TNPO1: variants seen among roughly 807,000 people sequenced by gnomAD.
TNPO1 encodes transportin-1.
Under a neutral mutation model 119.5 loss-of-function variants are expected in TNPO1, and 8 were observed. The observed-to-expected ratio is 0.07, with a 90% CI of 0.04 to 0.12. The LOEUF (loss-of-function observed/expected upper bound fraction) is 0.12. Among genes scored for constraint, TNPO1 ranks in the 10% least tolerant of loss-of-function variants. TNPO1 has a pLI of 1.00. For synonymous variants in TNPO1, 362 were observed against 363.0 expected (o/e 1.00, Z 0.03); for missense variants, 576 against 1,089.8 (o/e 0.53, Z 6.64).
At position 72,901,108 on chromosome 5, in the gene TNPO1, A is replaced by C. The variant is rs1484558748; in HGVS notation, c.2514+35A>C. 5 of 1,372,908 alleles carry C rather than the reference A, an allele frequency of 3.6e-6. No individual in the cohort carries two copies. The African/African-American group carries it at 5.9e-5, about 16-fold the overall frequency. 85.0% of individuals were successfully genotyped at this position (1,372,908 alleles called of 1,614,324 possible). A position where few individuals can be genotyped will look rare whatever the true frequency, so the allele number is the denominator to read the frequency against. ...TCACAAAGATTTGTTTTTAATGTCT[A>C]ATTAATAAAATTTTAAAGGAAGAAA... On this transcript the variant is annotated intron_variant, in intron 22 of 24. Transcript: ENST00000337273.
At chr5:72,891,598 C>T (rs1749062788) in intron 14 of TNPO1, among the ~76,000 whole-genome samples, 2 of 151,956 alleles carry the variant, frequency 1.3e-5, no homozygotes, top group African/African-American at 2.4e-5. Flanking sequence ...AGTTCTAGAT[C>T]TAAAACTAGA....
chr5:72,816,712 A>G lies in TNPO1; in HGVS notation c.-26A>G, dbSNP rs1158113071. Reference sequence around the variant, plus strand: ...CAGGAGGCAGTGCCGCTTCGGCCGAAGGCCCGAGCGCCCGAGGCGTCTGGG... The same window carrying G: ...CAGGAGGCAGTGCCGCTTCGGCCGAGGGCCCGAGCGCCCGAGGCGTCTGGG... On this transcript the variant is annotated 5_prime_UTR_variant, in exon 1 of 25. Transcript: ENST00000337273. 8.9e-6 allele frequency: 14 copies of G among 1,566,618 alleles called. No individual in the cohort carries two copies. Among genetic ancestry groups the G allele is most frequent in the Non-Finnish European group, 1.1e-5 (13 of 1,158,660 alleles).
chr5:72,836,432 G>A (rs757456665), intron 1 of TNPO1, among the ~76,000 whole-genome samples: 15 of 152,194 alleles, frequency 9.9e-5, no homozygotes, highest in Admixed American at 9.8e-4. Context: ...CTGCACCTGG[G>A]TGTGGCTGTG....
chr5:72,888,222 A>C lies in TNPO1; in HGVS notation c.1448A>C (p.Asp483Ala). The C allele has an allele frequency of 6.2e-7, 1 of 1,614,180 alleles. No homozygotes were observed. The highest frequency in any genetic ancestry group is 8.5e-7 in the Non-Finnish European group (1 of 1,180,016). The change falls in exon 13 of 25, where the codon GAC (aspartate) becomes GCC (alanine). Residue 483 changes from aspartate to alanine, a missense_variant. Physicochemically the swap from Asp to Ala is moderately radical, Grantham distance 126. Transcript: ENST00000337273. The part of the protein sequence containing the change: ...YAHWVVSQPP[D>A]TYLKPLMTEL... ...CACTGGGTGGTCAGCCAGCCGCCAGACACGTACCTGAAGCCATTAATGACA... is the reference window on the plus strand; with the variant it reads ...CACTGGGTGGTCAGCCAGCCGCCAGCCACGTACCTGAAGCCATTAATGACA...
chr5:72,866,159 G>A (rs1746881087), intron 6 of TNPO1, among the ~76,000 whole-genome samples: 1 of 152,128 alleles, frequency 6.6e-6, no homozygotes, highest in Admixed American at 6.5e-5. Context: ...CATCACCTAG[G>A]TGGTAACCAT....
At chr5:72,855,992 T>C in intron 4 of TNPO1, 69 bp downstream of exon 4, 1 of 1,497,894 alleles carries the variant, frequency 6.7e-7, no homozygotes, top group Non-Finnish European at 9.2e-7. Context: ...TGACAGATTA[T>C]TTCCTTAGGA....
In TNPO1 at chr5:72,909,561, T is replaced by G. The variant is rs1243033089; in HGVS notation, c.*888T>G. The G allele has an allele frequency of 6.6e-6, 1 of 152,234 alleles. No individual in the cohort carries two copies. Among genetic ancestry groups the G allele is most frequent in the East Asian group, 1.9e-4 (1 of 5,192 alleles). The allele number at this position is 152,234 out of a possible 1,614,324, so 9.4% of individuals were successfully genotyped here. On this transcript the variant is annotated 3_prime_UTR_variant, in exon 25 of 25. Transcript: ENST00000337273. ...AGGTTCAGGCATGCATTCTGGCTCA[T>G]AGTGGTTGAAAGTAATTTAAATTAG...
intron 3 of TNPO1, among the ~76,000 whole-genome samples, chr5:72,852,089 T>G (rs542300784): frequency 1.3e-5 from 2 of 152,368 alleles, no homozygotes; most frequent in East Asian, 3.9e-4. Flanking sequence ...TCACATACTA[T>G]TTTAAAATTA....
At chr5:72,844,179 A>G (rs974181687) in intron 1 of TNPO1, among the ~76,000 whole-genome samples, 11 of 152,248 alleles carry the variant, frequency 7.2e-5, no homozygotes, top group Admixed American at 5.2e-4. Context: ...TTATAATACA[A>G]TATGACAGTT....
At position 72,884,449 on chromosome 5, in the gene TNPO1, A is replaced by T. The variant is rs1007921381; in HGVS notation, c.1150+1217A>T. 2.0e-5 allele frequency among the ~76,000 whole-genome samples: 3 copies of T among 152,174 alleles called. No homozygotes were observed. The East Asian group carries it at 5.8e-4, about 29-fold the overall frequency. On this transcript the variant is annotated intron_variant, in intron 11 of 24. Coordinates refer to ENST00000337273, the MANE Select transcript of TNPO1 (RefSeq NM_002270.4). Reference sequence around the variant, plus strand: ...TTTCTGTCTGGTAATTTGCATGAAAATTGGCTATCATAGGTAATTCTAAAA... The same window carrying T: ...TTTCTGTCTGGTAATTTGCATGAAATTTGGCTATCATAGGTAATTCTAAAA...
At chr5:72,849,713 A>T (rs376381337) in intron 2 of TNPO1, among the ~76,000 whole-genome samples, 1 of 152,176 alleles carries the variant, frequency 6.6e-6, no homozygotes, top group East Asian at 1.9e-4. Context: ...TTTTGTTTGG[A>T]TACTTCTAGT....
intron 24 of TNPO1, among the ~76,000 whole-genome samples, chr5:72,908,255 A>T (rs62360686): frequency 0.12 from 18,108 of 152,092 alleles, 1,278 homozygotes; most frequent in Non-Finnish European, 0.17. Context: ...TTTGCTTAAT[A>T]TTGGGAATAC....
chr5:72,880,396 C>T (rs1427815106), intron 9 of TNPO1, among the ~76,000 whole-genome samples: 1 of 152,084 alleles, frequency 6.6e-6, no homozygotes, highest in Non-Finnish European at 1.5e-5. Context: ...TATTCTTGTA[C>T]ATTAATGTCT....
intron 1 of TNPO1, 38 bp downstream of exon 1, chr5:72,816,790 G>A (rs1203814330): frequency 6.4e-7 from 1 of 1,569,106 alleles, no homozygotes; most frequent in East Asian, 2.4e-5. Context: ...GAACTGCAGG[G>A]GCGGGAACGG....
At chr5:72,895,114 A>G (rs192499227) in intron 18 of TNPO1, among the ~76,000 whole-genome samples, 1 of 152,198 alleles carries the variant, frequency 6.6e-6, no homozygotes, top group East Asian at 1.9e-4. Flanking sequence ...ATACTATACT[A>G]TCTCTTCTTA....
chr5:72,880,217 C>T (rs1748131628), intron 9 of TNPO1, among the ~76,000 whole-genome samples: 1 of 152,162 alleles, frequency 6.6e-6, no homozygotes. Flanking sequence ...ACCAGTGTAA[C>T]AAGGAGGATA....
intron 6 of TNPO1, among the ~76,000 whole-genome samples, chr5:72,867,577 GTTATATATTAT>G (rs905416975): frequency 6.6e-6 from 1 of 152,140 alleles, no homozygotes; most frequent in Non-Finnish European, 1.5e-5. Flanking sequence ...TTAGCCTTTA[GTTATATATTAT>G]TTTTAATAAC....
intron 3 of TNPO1, among the ~76,000 whole-genome samples, chr5:72,855,494 GA>G (rs1745923253): frequency 6.6e-6 from 1 of 152,086 alleles, no homozygotes; most frequent in East Asian, 1.9e-4. Context: ...ACACAACTTG[GA>G]GGGGTGCTGC....
chr5:72,820,973 G>A (rs2112157553), intron 1 of TNPO1, among the ~76,000 whole-genome samples: 1 of 152,174 alleles, frequency 6.6e-6, no homozygotes, highest in East Asian at 1.9e-4. Flanking sequence ...ACACAAATAG[G>A]TGAGAGAAAA....
Sources: gnomAD v4.1 joint callset for allele counts (sites outside exome capture counted in the v4.1 genomes callset) on GRCh38, gnomAD v4.1.1 for gene constraint, MANE v1.5 for transcripts, NCBI Gene and HGNC (gene_info 2026-07-23, HGNC 2026-07-21) for gene names.